Variants in PLCE1 observed in about 807,000 individuals in gnomAD.
PLCE1 encodes phospholipase C epsilon 1, also known as 1-phosphatidylinositol 4,5-bisphosphate phosphodiesterase epsilon-1.
PLCE1 carries 119 observed loss-of-function variants against 242.8 expected under a neutral mutation model. That is an observed-to-expected ratio of 0.49 (90% CI 0.42 to 0.57). The LOEUF (loss-of-function observed/expected upper bound fraction) is 0.57. Ranked by LOEUF, PLCE1 falls within the 20% of genes least tolerant of loss-of-function variation. The pLI is 0.00. For missense variants in PLCE1, 2,441 were observed against 2,788.8 expected, an observed-to-expected ratio of 0.88 and a Z score of 2.81; for synonymous variants, 945 against 1,017.4, an observed-to-expected ratio of 0.93 and a Z score of 1.35.
chr10:94,062,465 T>C (rs538816948), intron 2 of PLCE1, among the ~76,000 whole-genome samples: 2 of 152,254 alleles, frequency 1.3e-5, no homozygotes, highest in Non-Finnish European at 2.9e-5. Context: ...TTTTTGTGCC[T>C]ATTTTATTGG....
At chr10:94,043,007 G>T (rs537556274) in intron 2 of PLCE1, among the ~76,000 whole-genome samples, 1 of 152,188 alleles carries the variant, frequency 6.6e-6, no homozygotes, top group African/African-American at 2.4e-5. Flanking sequence ...TGACTCAGTA[G>T]CATTTCTTTC....
At chr10:94,226,108 C>A (rs567228520) in intron 4 of PLCE1, among the ~76,000 whole-genome samples, 11 of 152,254 alleles carry the variant, frequency 7.2e-5, no homozygotes, top group Admixed American at 3.9e-4. Flanking sequence ...ATCTAAGCAC[C>A]AAAGTAAAGG....
chr10:94,258,924 TAC>T lies in PLCE1; in HGVS notation c.3677+4_3677+5del, dbSNP rs770856320. The T allele has an allele frequency of 1.2e-6, 2 of 1,614,018 alleles. No homozygotes were observed. Among genetic ancestry groups the T allele is most frequent in the Admixed American group, 1.7e-5 (1 of 60,006 alleles). The stretch of plus-strand genomic sequence containing the variant: ...TGTTGAGCTGTTCAAATCATTCAGG[TAC>T]AGTCTTATGTTTCCTTCTTATTCTT... On this transcript the variant is annotated splice_donor_region_variant and intron_variant, in intron 12 of 32. Coordinates refer to ENST00000371380, the MANE Select transcript of PLCE1 (RefSeq NM_016341.4).
chr10:94,273,688 C>T lies in PLCE1; in HGVS notation c.4633C>T (p.His1545Tyr). 6.2e-7 allele frequency: 1 copy of T among 1,613,914 alleles called. No homozygotes were observed. Among genetic ancestry groups the T allele is most frequent in the Non-Finnish European group, 8.5e-7 (1 of 1,179,874 alleles). ...TCTTAAAAACAAGAAGCTAAAAGCCCATCAGACGCCAGTGGATATCTTAAA... is the reference window on the plus strand; with the variant it reads ...TCTTAAAAACAAGAAGCTAAAAGCCTATCAGACGCCAGTGGATATCTTAAA... ...VLLKNKKLKAHQTPVDILKQK... is the reference protein window; with the variant it reads ...VLLKNKKLKAYQTPVDILKQK... The change falls in exon 19 of 33, where the codon CAT becomes TAT. Residue 1545 changes from histidine to tyrosine, a missense_variant. His to Tyr is a moderately conservative substitution (Grantham distance 83). Around this residue, in one of 5 missense-constraint regions of PLCE1, gnomAD observed 1,004 missense variants for 1,322.7 expected, o/e 0.76. Transcript: ENST00000371380.
intron 3 of PLCE1, among the ~76,000 whole-genome samples, chr10:94,169,560 A>T (rs1409519295): frequency 2.0e-5 from 3 of 152,198 alleles, no homozygotes; most frequent in African/African-American, 7.2e-5. Flanking sequence ...TTCTGACATG[A>T]CCTACACTGT....
chr10:94,267,545 G>A (rs949779187), intron 16 of PLCE1, among the ~76,000 whole-genome samples: 5 of 152,086 alleles, frequency 3.3e-5, no homozygotes, highest in Admixed American at 6.6e-5. Flanking sequence ...AATAAGCCCT[G>A]TTCTTCTCAT....
Position 94,258,796 on chromosome 10 carries a change from G to T in PLCE1, c.3555-4G>T, listed in dbSNP as rs748965355. 3.7e-6 allele frequency: 6 copies of T among 1,614,068 alleles called. No individual in the cohort carries two copies. In the South Asian group the frequency reaches 5.5e-5, roughly 15 times the overall value. On this transcript the variant is annotated splice_region_variant and splice_polypyrimidine_tract_variant and intron_variant, in intron 11 of 32. Transcript: ENST00000371380. ...TGCCCATGAAGGCCTTGTCTTTGTT[G>T]CAGTGCTTGGAGCAGTAGTAGCTGG...
At chr10:94,235,107 T>C (rs1384917826) in intron 6 of PLCE1, among the ~76,000 whole-genome samples, 3 of 99,412 alleles carry the variant, frequency 3.0e-5, no homozygotes, top group African/African-American at 4.5e-5. Flanking sequence ...CACAGAGTCA[T>C]GTACATGCCT....
chr10:94,062,581 TG>T, intron 2 of PLCE1, among the ~76,000 whole-genome samples: 1 of 3,832 alleles, frequency 2.6e-4, no homozygotes, highest in African/African-American at 4.5e-3. Flanking sequence ...TTCTTGGTTT[TG>T]TTTTTTTTTT....
chr10:94,185,704 G>GT (rs1306303316), intron 4 of PLCE1, among the ~76,000 whole-genome samples: 2 of 152,176 alleles, frequency 1.3e-5, no homozygotes, highest in Non-Finnish European at 2.9e-5. Flanking sequence ...TCAATAAATG[G>GT]TAACTAGTGT....
intron 1 of PLCE1, among the ~76,000 whole-genome samples, chr10:94,022,167 G>T (rs2061386031): frequency 1.3e-5 from 2 of 152,060 alleles, no homozygotes; most frequent in Admixed American, 1.3e-4. Flanking sequence ...AAAAATATTT[G>T]CTAGGAGTAA....
chr10:94,051,929 C>G (rs1262393366), intron 2 of PLCE1, among the ~76,000 whole-genome samples: 2 of 152,226 alleles, frequency 1.3e-5, no homozygotes, highest in South Asian at 4.1e-4. Context: ...AAAGTGACCT[C>G]TTCTCCAATT....
At chr10:94,305,939 T>C (rs897435451) in intron 25 of PLCE1, among the ~76,000 whole-genome samples, 1 of 152,144 alleles carries the variant, frequency 6.6e-6, no homozygotes, top group African/African-American at 2.4e-5. Context: ...GCTTTTCATA[T>C]GATTCCAGTC....
chr10:94,276,982 G>T (rs1209972912), intron 19 of PLCE1, among the ~76,000 whole-genome samples: 1 of 152,142 alleles, frequency 6.6e-6, no homozygotes, highest in African/African-American at 2.4e-5. Context: ...TCTAGACCTA[G>T]TGATGATCTG....
At chr10:94,038,375 A>G (rs1446064988) in intron 2 of PLCE1, among the ~76,000 whole-genome samples, 4 of 152,148 alleles carry the variant, frequency 2.6e-5, no homozygotes, top group Non-Finnish European at 5.9e-5. Flanking sequence ...TGACAACCAA[A>G]TGGTGCCCCT....
chr10:94,304,740 G>A, intron 25 of PLCE1, 95 bp downstream of exon 25: 1 of 1,221,988 alleles, frequency 8.2e-7, no homozygotes, highest in Middle Eastern at 1.9e-4. Flanking sequence ...AAGCTGTCAT[G>A]TCACAATTTG....
intron 4 of PLCE1, among the ~76,000 whole-genome samples, chr10:94,197,775 G>C (rs2048865952): frequency 6.6e-6 from 1 of 152,058 alleles, no homozygotes; most frequent in Admixed American, 6.5e-5. Context: ...CTGAGGTCAG[G>C]AGTTCAAGAC....
intron 2 of PLCE1, among the ~76,000 whole-genome samples, chr10:94,058,747 T>C (rs2043971399): frequency 6.6e-6 from 1 of 152,138 alleles, no homozygotes; most frequent in African/African-American, 2.4e-5. Flanking sequence ...GGGGACTTAA[T>C]TACACATTTT....
chr10:94,035,874 TG>T (rs1380372094), intron 2 of PLCE1, among the ~76,000 whole-genome samples: 3 of 152,192 alleles, frequency 2.0e-5, no homozygotes, highest in Non-Finnish European at 4.4e-5. Flanking sequence ...CTCCTTTTCC[TG>T]TGTTTTGGTA....
Sources: allele counts gnomAD v4.1 joint callset (sites outside exome capture counted in the v4.1 genomes callset), GRCh38; gene constraint gnomAD v4.1.1; regional missense constraint gnomAD v4.1.1; transcripts MANE v1.5; gene names NCBI Gene and HGNC (gene_info 2026-07-23, HGNC 2026-07-21).